Variants in GPC4 observed in about 807,000 individuals in gnomAD.
The protein encoded by GPC4 is glypican-4.
Under a neutral mutation model 35.0 loss-of-function variants are expected in GPC4, and 10 were observed. That is an observed-to-expected ratio of 0.29 (90% CI 0.18 to 0.48). The LOEUF is 0.48. Ranked by LOEUF, GPC4 falls within the 20% of genes least tolerant of loss-of-function variation. The pLI is 0.99. For synonymous variants in GPC4, 167 were observed against 170.2 expected, an observed-to-expected ratio of 0.98 and a Z score of 0.15; for missense variants, 322 against 451.3, an observed-to-expected ratio of 0.71 and a Z score of 2.60.
intron 1 of GPC4, among the ~76,000 whole-genome samples, chrX:133,377,963 T>C (rs1017600671): frequency 1.8e-4 from 18 of 101,610 alleles, no homozygotes; most frequent in Non-Finnish European, 2.4e-4. Context: ...GGTGTGACCA[T>C]GGCTCACCGC....
chrX:133,399,763 G>C (rs2266813), intron 1 of GPC4, among the ~76,000 whole-genome samples: 45,853 of 111,241 alleles, frequency 0.41, 7,795 homozygotes, highest in African/African-American at 0.64. Flanking sequence ...CACTTTGGGA[G>C]CCCAAGGTGG....
chrX:133,311,339 A>G lies in GPC4; in HGVS notation c.796T>C (p.Cys266Arg). Residue 266 changes from cysteine (C) to arginine (R), a missense_variant, in exon 4 of 9, where the codon TGT becomes CGT. Physicochemically the swap from Cys to Arg is radical, Grantham distance 180 (BLOSUM62 -3). This residue lies in a region of GPC4 where 163 missense variants were observed against 277.2 expected (regional missense o/e 0.59). Transcript: ENST00000370828. ...ATGATGTTTGAGCAGTAGTTGTAAC[A>G]TGGCTTCACAGTCACGAGACCCCGG... is the stretch of plus-strand genomic sequence containing the variant. ...HCRGLVTVKP[C>R]YNYCSNIMRG... 2.5e-6 allele frequency: 3 copies of G among 1,211,097 alleles called. No homozygotes were observed. The highest frequency in any genetic ancestry group is 3.4e-6 in the Non-Finnish European group (3 of 894,687).
chrX:133,304,895 A>G (rs1444794649), intron 6 of GPC4, 34 bp from the exon 7 acceptor site: 3 of 1,193,796 alleles, frequency 2.5e-6, no homozygotes, highest in Non-Finnish European at 3.4e-6. Flanking sequence ...AAAAAAGATC[A>G]TTGTAAGACA....
In GPC4 at chrX:133,324,322, G is replaced by A; in HGVS notation, c.534C>T (p.Ser178=). 2.5e-6 allele frequency: 3 copies of A among 1,211,458 alleles called. No individual in the cohort carries two copies. The highest frequency in any genetic ancestry group is 3.4e-6 in the Non-Finnish European group (3 of 895,392). The change falls in exon 3 of 9, where the codon TCC becomes TCT. Residue 178 remains serine, a synonymous_variant. Coordinates refer to ENST00000370828, the MANE Select transcript of GPC4 (RefSeq NM_001448.3). ...LLERMFRLVN[S]QYHFTDEYLE... ...GATACTCATCTGTAAAGTGGTACTG[G>A]GAGTTCACCAGGCGGAACATCCGCT...
intron 1 of GPC4, among the ~76,000 whole-genome samples, chrX:133,347,711 GACGTGT>G (rs2068499827): frequency 9.0e-6 from 1 of 111,388 alleles, no homozygotes; most frequent in Non-Finnish European, 1.9e-5. Flanking sequence ...GAGGTGGGGG[GACGTGT>G]ACATTAATCC....
At chrX:133,333,582 A>G (rs1048180451) in intron 2 of GPC4, among the ~76,000 whole-genome samples, 1 of 113,087 alleles carries the variant, frequency 8.8e-6, no homozygotes, top group Non-Finnish European at 1.9e-5. Flanking sequence ...TTATAAAAGA[A>G]TTAGCAAAAG....
chrX:133,373,553 G>A lies in GPC4; in HGVS notation c.161-34212C>T, dbSNP rs189111688. Among the ~76,000 whole-genome samples the A allele has an allele frequency of 2.5e-4, 28 of 111,514 alleles. No homozygotes were observed. In the East Asian group the frequency reaches 3.4e-3, roughly 14 times the overall value. On this transcript the variant is annotated intron_variant, in intron 1 of 8. Coordinates refer to ENST00000370828, the MANE Select transcript of GPC4 (RefSeq NM_001448.3). Reference sequence around the variant, plus strand: ...CAGGCAGGCAGGCATCAGGCTCAGCGCTGAGGTTACAAAATCCCAACCTCA... The same window carrying A: ...CAGGCAGGCAGGCATCAGGCTCAGCACTGAGGTTACAAAATCCCAACCTCA...
intron 1 of GPC4, among the ~76,000 whole-genome samples, chrX:133,372,224 T>TAA (rs372391787): frequency 8.5e-5 from 7 of 82,506 alleles, no homozygotes; most frequent in Non-Finnish European, 9.5e-5. Context: ...ACTCCGTCTT[T>TAA]AAAAAAAAAA....
intron 4 of GPC4, among the ~76,000 whole-genome samples, chrX:133,307,272 A>G (rs750674174): frequency 8.9e-6 from 1 of 111,946 alleles, no homozygotes; most frequent in African/African-American, 3.2e-5. Flanking sequence ...TGCAGCCCCC[A>G]GCTGAGCTTC....
intron 2 of GPC4, among the ~76,000 whole-genome samples, chrX:133,329,112 G>A (rs2068407080): frequency 8.9e-6 from 1 of 111,913 alleles, no homozygotes; most frequent in Non-Finnish European, 1.9e-5. Flanking sequence ...TAAAGCAGGA[G>A]GACACAGTGG....
intron 1 of GPC4, among the ~76,000 whole-genome samples, chrX:133,383,964 G>A (rs1011442712): frequency 2.7e-5 from 3 of 111,819 alleles, no homozygotes; most frequent in African/African-American, 6.5e-5. Context: ...AATCACGGGG[G>A]AGGCTATGCA....
At chrX:133,392,611 T>C (rs1401034716) in intron 1 of GPC4, among the ~76,000 whole-genome samples, 1 of 100,472 alleles carries the variant, frequency 1.0e-5, no homozygotes, top group Non-Finnish European at 2.0e-5. Context: ...CTAAAAAGGA[T>C]ACAGCTGTCA....
At chrX:133,354,555 T>TATTC (rs1230065787) in intron 1 of GPC4, among the ~76,000 whole-genome samples, 1 of 91,324 alleles carries the variant, frequency 1.1e-5, no homozygotes, top group Non-Finnish European at 2.0e-5. Flanking sequence ...TTTATTTATT[T>TATTC]ATTTATTTAT....
chrX:133,409,450 G>A (rs768961796), intron 1 of GPC4, among the ~76,000 whole-genome samples: 2 of 108,537 alleles, frequency 1.8e-5, no homozygotes, highest in Non-Finnish European at 3.8e-5. Flanking sequence ...ACTAGTGTCT[G>A]ACAGAGAACA....
intron 1 of GPC4, among the ~76,000 whole-genome samples, chrX:133,344,640 G>A (rs1418602999): frequency 7.2e-5 from 8 of 111,483 alleles, no homozygotes; most frequent in African/African-American, 2.6e-4. Flanking sequence ...TTTTTGGGAG[G>A]TGGGGCAGTA....
chrX:133,377,136 G>A (rs182758724), intron 1 of GPC4, among the ~76,000 whole-genome samples: 283 of 111,721 alleles, frequency 2.5e-3, no homozygotes, highest in African/African-American at 8.5e-3. Flanking sequence ...AGGCATTAGG[G>A]AAAGAGAGAG....
chrX:133,381,133 T>C (rs746981183), intron 1 of GPC4, among the ~76,000 whole-genome samples: 2 of 111,271 alleles, frequency 1.8e-5, no homozygotes, highest in Admixed American at 1.9e-4. Context: ...AGAACCGGGG[T>C]CAGTGGGCCC....
At chrX:133,370,369 T>C (rs1266454661) in intron 1 of GPC4, among the ~76,000 whole-genome samples, 2 of 112,103 alleles carry the variant, frequency 1.8e-5, no homozygotes, top group East Asian at 5.5e-4. Context: ...GGTTATTTCA[T>C]TTGATGGAGA....
intron 3 of GPC4, among the ~76,000 whole-genome samples, chrX:133,313,975 G>A (rs930895387): frequency 3.6e-5 from 4 of 112,027 alleles, no homozygotes; most frequent in Non-Finnish European, 5.6e-5. Context: ...TGAATAGCAC[G>A]TGGCATTTGT....
Sources: gnomAD v4.1 joint callset for allele counts (sites outside exome capture counted in the v4.1 genomes callset) on GRCh38, gnomAD v4.1.1 for gene constraint, gnomAD v4.1.1 regional missense constraint, MANE v1.5 for transcripts, NCBI Gene and HGNC (gene_info 2026-07-23, HGNC 2026-07-21) for gene names.